METTL25: variants seen among roughly 807,000 people sequenced by gnomAD.
METTL25 encodes probable methyltransferase-like protein 25.
METTL25 carries 64 observed loss-of-function variants against 71.6 expected under a neutral mutation model. The observed-to-expected ratio is 0.89, with a 90% CI of 0.73 to 1.10. The LOEUF is 1.10. Ranked by LOEUF, METTL25 falls within the 50% of genes least tolerant of loss-of-function variation. The pLI, the probability that METTL25 is intolerant of heterozygous loss-of-function variation, is 0.00. For synonymous variants in METTL25, 287 were observed against 250.3 expected, an observed-to-expected ratio of 1.15 and a Z score of -1.38; for missense variants, 807 against 707.0, an observed-to-expected ratio of 1.14 and a Z score of -1.60.
At chr12:82,394,941 C>T (rs1885939680) in intron 3 of METTL25, among the ~76,000 whole-genome samples, 1 of 151,614 alleles carries the variant, frequency 6.6e-6, no homozygotes, top group Admixed American at 6.6e-5. Context: ...TACTTTGTTT[C>T]TGAAACATCC....
chr12:82,372,936 C>T (rs184783967), intron 1 of METTL25, among the ~76,000 whole-genome samples: 22 of 152,234 alleles, frequency 1.4e-4, no homozygotes, highest in Admixed American at 3.3e-4. Context: ...TTGCACTCAC[C>T]GACGCAGCAG....
chr12:82,358,693 C>A lies in METTL25; in HGVS notation c.128C>A (p.Thr43Lys). ...AATGCACATACCGTGGATTTCTACA[C>A]AGAATCCGTGTGGGAGGAGCTGGTC... ...ISNAHTVDFY[T>K]ESVWEELVDL... is the part of the protein sequence containing the mutation. The change falls in exon 1 of 12, where the codon ACA becomes AAA. Residue 43 changes from threonine (T) to lysine (K), a missense_variant. Coordinates refer to ENST00000248306, the MANE Select transcript of METTL25 (RefSeq NM_032230.3). 6.2e-7 allele frequency: 1 copy of A among 1,614,210 alleles called. No individual in the cohort carries two copies. Among genetic ancestry groups the A allele is most frequent in the Non-Finnish European group, 8.5e-7 (1 of 1,180,054 alleles).
intron 9 of METTL25, among the ~76,000 whole-genome samples, chr12:82,466,622 C>T (rs1203515069): frequency 6.6e-6 from 1 of 151,948 alleles, no homozygotes; most frequent in Non-Finnish European, 1.5e-5. Flanking sequence ...ATCTAATGTG[C>T]AGTTTAAATC....
chr12:82,465,966 C>T (rs142927088), intron 9 of METTL25, among the ~76,000 whole-genome samples: 177 of 134,298 alleles, frequency 1.3e-3, no homozygotes, highest in African/African-American at 4.8e-3. Flanking sequence ...TGTTTTGGAT[C>T]TTCTTTATTT....
At chr12:82,391,718 G>C (rs1488209139) in intron 3 of METTL25, among the ~76,000 whole-genome samples, 1 of 100,412 alleles carries the variant, frequency 1.0e-5, no homozygotes, top group African/African-American at 3.7e-5. Context: ...TCCATATACT[G>C]ATTTCCTTTT....
At chr12:82,435,174 A>G (rs1889824977) in intron 7 of METTL25, among the ~76,000 whole-genome samples, 1 of 151,484 alleles carries the variant, frequency 6.6e-6, no homozygotes, top group African/African-American at 2.4e-5. Flanking sequence ...GCACTTAGAG[A>G]TAGAAGTTAA....
chr12:82,388,974 T>A (rs1413991470), intron 2 of METTL25: 5 of 152,084 alleles, frequency 3.3e-5, no homozygotes, highest in Non-Finnish European at 7.4e-5. Context: ...TATCCCAATG[T>A]GGTAATCCCA....
intron 4 of METTL25, among the ~76,000 whole-genome samples, chr12:82,401,956 A>G (rs996528957): frequency 6.6e-6 from 1 of 151,930 alleles, no homozygotes; most frequent in African/African-American, 2.4e-5. Flanking sequence ...TTTTTTTCTT[A>G]CAAGTTTCTT....
rs138405693 is a variant in METTL25, at chr12:82,437,543, A to T, written c.1405-1175A>T. 2.5e-3 allele frequency among the ~76,000 whole-genome samples: 386 copies of T among 151,760 alleles called. 2 individuals are homozygous for T. Among genetic ancestry groups the T allele is most frequent in the African/African-American group, 8.8e-3 (364 of 41,480 alleles). ...AGCACAGTATGGGAAGTTAATGTTA[A>T]ATAAGGGAGAGGGGCAGTAGAGTAG... On this transcript the variant is annotated intron_variant, in intron 7 of 11. Coordinates refer to ENST00000248306, the MANE Select transcript of METTL25 (RefSeq NM_032230.3).
chr12:82,361,620 T>G (rs1881924255), intron 1 of METTL25, among the ~76,000 whole-genome samples: 1 of 152,182 alleles, frequency 6.6e-6, no homozygotes, highest in African/African-American at 2.4e-5. Flanking sequence ...GGGCCGGCAC[T>G]GCTGGGGGAC....
intron 1 of METTL25, among the ~76,000 whole-genome samples, chr12:82,368,250 A>G (rs1309713327): frequency 6.6e-6 from 1 of 152,202 alleles, no homozygotes; most frequent in African/African-American, 2.4e-5. Context: ...TGGCAGAGGT[A>G]GAAAAATAGC....
chr12:82,389,471 T>C (rs1885368917), intron 2 of METTL25, among the ~76,000 whole-genome samples: 1 of 152,104 alleles, frequency 6.6e-6, no homozygotes, highest in South Asian at 2.1e-4. Context: ...ATACAAATTC[T>C]CTGTAGATAT....
intron 1 of METTL25, among the ~76,000 whole-genome samples, chr12:82,382,736 C>G (rs750518010): frequency 3.3e-5 from 5 of 151,446 alleles, no homozygotes; most frequent in Non-Finnish European, 7.4e-5. Flanking sequence ...TTTTTTTTGA[C>G]TCAGGGTCTT....
chr12:82,393,042 T>A (rs1381200633), intron 3 of METTL25, among the ~76,000 whole-genome samples: 1 of 152,100 alleles, frequency 6.6e-6, no homozygotes, highest in Non-Finnish European at 1.5e-5. Context: ...CTTTGTAGTA[T>A]AATTAGAAGT....
At chr12:82,461,536 T>G (rs1282661275) in intron 9 of METTL25, among the ~76,000 whole-genome samples, 2 of 149,254 alleles carry the variant, frequency 1.3e-5, no homozygotes, top group Non-Finnish European at 2.9e-5. Flanking sequence ...CTTATATAAC[T>G]TATTAACAGA....
chr12:82,383,058 G>A (rs1884597527), intron 1 of METTL25, among the ~76,000 whole-genome samples: 1 of 151,926 alleles, frequency 6.6e-6, no homozygotes, highest in Admixed American at 6.6e-5. Flanking sequence ...GAGGTGTAGA[G>A]GGGAGTGAAG....
chr12:82,368,878 A>G (rs147577209), intron 1 of METTL25, among the ~76,000 whole-genome samples: 1 of 152,324 alleles, frequency 6.6e-6, no homozygotes, highest in African/African-American at 2.4e-5. Flanking sequence ...CTGACCCCTG[A>G]TCAACTTTGA....
intron 1 of METTL25, among the ~76,000 whole-genome samples, chr12:82,381,166 C>T (rs1884408659): frequency 6.6e-6 from 1 of 152,030 alleles, no homozygotes; most frequent in Non-Finnish European, 1.5e-5. Context: ...GGTAGGTACC[C>T]CTGAATTGTT....
chr12:82,461,848 C>T (rs967120471), intron 9 of METTL25, among the ~76,000 whole-genome samples: 10 of 152,100 alleles, frequency 6.6e-5, no homozygotes, highest in African/African-American at 2.4e-4. Context: ...AAGATGTATG[C>T]GATCTAACGC....
Sources: gnomAD v4.1 joint callset for allele counts (sites outside exome capture counted in the v4.1 genomes callset) on GRCh38, gnomAD v4.1.1 for gene constraint, MANE v1.5 for transcripts, NCBI Gene and HGNC (gene_info 2026-07-23, HGNC 2026-07-21) for gene names.